The following MFAP3L variants were observed in gnomAD, a reference collection of about 807,000 sequenced individuals.
MFAP3L encodes microfibrillar-associated protein 3-like.
MFAP3L carries 5 observed loss-of-function variants against 20.0 expected under a neutral mutation model. The observed-to-expected ratio is 0.25, with a 90% CI of 0.13 to 0.53. The LOEUF (loss-of-function observed/expected upper bound fraction) is 0.53, where lower values mean the gene tolerates loss of function less well. MFAP3L is among the 20% of genes least tolerant of loss of function. The pLI is 0.96. For missense variants in MFAP3L, 409 were observed against 527.5 expected (o/e 0.78, Z 2.20); for synonymous variants, 219 against 213.0 (o/e 1.03, Z -0.25).
At position 169,991,787 on chromosome 4, in the gene MFAP3L, G is replaced by C; in HGVS notation, c.821C>G (p.Thr274Ser). 1 of 1,614,142 alleles carries C rather than the reference G, an allele frequency of 6.2e-7. No homozygotes were observed. Among genetic ancestry groups the C allele is most frequent in the Non-Finnish European group, 8.5e-7 (1 of 1,180,030 alleles). Residue 274 changes from threonine (T) to serine (S), a missense_variant, in exon 3 of 3, where the codon ACT becomes AGT. Transcript: ENST00000361618. This position sits in a 1 kb window ranked among gnomAD's most constrained non-coding sequence, Gnocchi z 4.9. ...GTCTGCGGCCTCCTGGCCCTCTGGA[G>C]TATGCCTCACAAAATTCTGCCCCTG... ...EEQGQNFVRHTPEGQEAADRD... is the reference protein window; with the variant it reads ...EEQGQNFVRHSPEGQEAADRD...
chr4:170,010,396 A>G lies in MFAP3L; in HGVS notation c.-133-4386T>C, dbSNP rs569687919. ...AGTCTCTTGAACAGCATGGGTCTGA[A>G]CCACTCAGTCCACTTACATGCAGGT... On this transcript the variant is annotated intron_variant, in intron 1 of 2. Transcript: ENST00000361618. Among the ~76,000 whole-genome samples, 9 of 152,296 alleles carry G rather than the reference A, an allele frequency of 5.9e-5. No homozygotes were observed. The East Asian group carries it at 1.7e-3, about 29-fold the overall frequency.
intron 1 of MFAP3L, among the ~76,000 whole-genome samples, chr4:170,017,488 G>GT (rs1307595926): frequency 3.9e-5 from 6 of 152,094 alleles, no homozygotes; most frequent in African/African-American, 1.4e-4. Flanking sequence ...ACACAACAGC[G>GT]TAAGAATCTG....
chr4:170,018,260 AG>A (rs1432443331), intron 1 of MFAP3L, among the ~76,000 whole-genome samples: 1 of 152,196 alleles, frequency 6.6e-6, no homozygotes, highest in African/African-American at 2.4e-5. Flanking sequence ...TAGACAAATA[AG>A]GGTAGAAAGA....
intron 1 of MFAP3L, among the ~76,000 whole-genome samples, chr4:170,011,769 G>A (rs1305370591): frequency 6.6e-6 from 1 of 152,172 alleles, no homozygotes; most frequent in Non-Finnish European, 1.5e-5. Context: ...ATCACAGGGT[G>A]TCAAAGATCC....
Position 170,005,705 on chromosome 4 carries a change from A to G in MFAP3L, c.173T>C (p.Val58Ala), listed in dbSNP as rs747073734. Residue 58 changes from valine (V) to alanine (A), a missense_variant, in exon 2 of 3, where the codon GTC becomes GCC. By Grantham distance (64) the Val-to-Ala change is moderately conservative. Around this residue, in one of 3 missense-constraint regions of MFAP3L, gnomAD observed 113 missense variants for 131.1 expected, o/e 0.86. Coordinates refer to ENST00000361618, the MANE Select transcript of MFAP3L (RefSeq NM_021647.8). ...AATCAAGGCACTGTTCCCTTCCTTG[A>G]CTATGATATGGTCAGTTCTGGCAAT... is the stretch of plus-strand genomic sequence containing the variant. ...VIIARTDHII[V>A]KEGNSALINC... 1 of 1,614,186 alleles carries G rather than the reference A, an allele frequency of 6.2e-7. No homozygotes were observed.
intron 2 of MFAP3L, chr4:170,003,815 T>C: frequency 2.0e-6 from 2 of 985,474 alleles, no homozygotes; most frequent in Non-Finnish European, 2.4e-6. Context: ...TTTGTTACCA[T>C]GGCTATTGCC....
chr4:170,008,033 A>G (rs373141448), intron 1 of MFAP3L, among the ~76,000 whole-genome samples: 1 of 152,186 alleles, frequency 6.6e-6, no homozygotes, highest in African/African-American at 2.4e-5. Flanking sequence ...GTTCAAACAC[A>G]TTGTGCTAGC....
At chr4:169,996,797 C>T (rs549430488) in intron 2 of MFAP3L, among the ~76,000 whole-genome samples, 1 of 152,302 alleles carries the variant, frequency 6.6e-6, no homozygotes, top group African/African-American at 2.4e-5. Flanking sequence ...TTCACGACCT[C>T]ATTTACATGA....
intron 1 of MFAP3L, among the ~76,000 whole-genome samples, chr4:170,007,983 G>T (rs1739152272): frequency 6.6e-6 from 1 of 152,150 alleles, no homozygotes; most frequent in African/African-American, 2.4e-5. Context: ...TATCTCAAGA[G>T]CTGTTTTCAA....
intron 1 of MFAP3L, among the ~76,000 whole-genome samples, chr4:170,019,467 C>T (rs1472968637): frequency 2.0e-5 from 3 of 152,016 alleles, no homozygotes; most frequent in Non-Finnish European, 4.4e-5. Flanking sequence ...TCACCTGAGC[C>T]CAGGAGTTTG....
At chr4:170,009,586 C>G (rs576068180) in intron 1 of MFAP3L, among the ~76,000 whole-genome samples, 2 of 152,172 alleles carry the variant, frequency 1.3e-5, no homozygotes, top group Non-Finnish European at 2.9e-5. Context: ...AAAACCAGGG[C>G]TTAACAAAAG....
At position 169,991,700 on chromosome 4, in the gene MFAP3L, G is replaced by A. The variant is rs960028016; in HGVS notation, c.908C>T (p.Ser303Leu). The change falls in exon 3 of 3, where the codon TCG becomes TTG. Residue 303 changes from serine to leucine, a missense_variant. This residue lies in a region of MFAP3L where 169 missense variants were observed against 178.2 expected (regional missense o/e 0.95). Coordinates refer to ENST00000361618, the MANE Select transcript of MFAP3L (RefSeq NM_021647.8). The surrounding 1 kb of genome is among the most constrained non-coding windows in gnomAD (Gnocchi z 4.9). ...TTGCTCGTGCAGCGATGAGGCGTCC[G>A]AGTCAGCGGCAGGGGAGTCGCTCCG... Reference protein sequence around the residue: ...LKRSDSPAADSDASSLHEQPQ... With the variant: ...LKRSDSPAADLDASSLHEQPQ... The A allele has an allele frequency of 1.2e-6, 2 of 1,614,162 alleles. No homozygotes were observed. The highest frequency in any genetic ancestry group is 2.2e-5 in the East Asian group (1 of 44,872).
chr4:170,001,370 T>C (rs1738605266), intron 2 of MFAP3L, among the ~76,000 whole-genome samples: 2 of 152,284 alleles, frequency 1.3e-5, no homozygotes, highest in Admixed American at 6.5e-5. Flanking sequence ...GTTGTGACAA[T>C]TGTAGACTCA....
intron 1 of MFAP3L, among the ~76,000 whole-genome samples, chr4:170,023,928 GATCT>G (rs1259220236): frequency 6.6e-6 from 1 of 152,192 alleles, no homozygotes; most frequent in Admixed American, 6.5e-5. Flanking sequence ...TTGGGGGATA[GATCT>G]ATTTTTAAAG....
rs1738443382 is a variant in MFAP3L, at chr4:169,999,303, C to T, written c.298+6277G>A. The stretch of plus-strand genomic sequence containing the variant: ...AATATGGGCTTAGCCAAGCTTTCAA[C>T]TCAGGAAGGTGGGGATGGAAGGATT... On this transcript the variant is annotated intron_variant, in intron 2 of 2. Coordinates refer to ENST00000361618, the MANE Select transcript of MFAP3L (RefSeq NM_021647.8). Among the ~76,000 whole-genome samples the T allele has an allele frequency of 3.3e-5, 5 of 152,304 alleles. No individual in the cohort carries two copies. In the South Asian group the frequency reaches 1.0e-3, roughly 32 times the overall value.
At chr4:170,001,707 GTA>G (rs1738632054) in intron 2 of MFAP3L, among the ~76,000 whole-genome samples, 1 of 152,156 alleles carries the variant, frequency 6.6e-6, no homozygotes, top group African/African-American at 2.4e-5. Context: ...ACTGAAAACA[GTA>G]TATTTCGTGG....
intron 1 of MFAP3L, among the ~76,000 whole-genome samples, chr4:170,009,872 G>T (rs1173557917): frequency 3.3e-5 from 5 of 152,222 alleles, no homozygotes; most frequent in Non-Finnish European, 7.3e-5. Context: ...TGTAAGGGGT[G>T]TTTTGTACTA....
intron 2 of MFAP3L, among the ~76,000 whole-genome samples, chr4:170,003,070 G>A (rs1018462562): frequency 1.3e-5 from 2 of 152,096 alleles, no homozygotes; most frequent in African/African-American, 4.8e-5. Flanking sequence ...TGTATTGCTT[G>A]GTTGTTAGGT....
At chr4:170,014,236 C>T (rs1266692481) in intron 1 of MFAP3L, among the ~76,000 whole-genome samples, 2 of 152,182 alleles carry the variant, frequency 1.3e-5, no homozygotes, top group Non-Finnish European at 2.9e-5. Flanking sequence ...TGTAGAGATT[C>T]GAATTTTCAT....
Sources: gnomAD v4.1 joint callset for allele counts (sites outside exome capture counted in the v4.1 genomes callset) on GRCh38, gnomAD v4.1.1 for gene constraint, gnomAD v4.1.1 regional missense constraint, Gnocchi (gnomAD v3.1) non-coding constraint, MANE v1.5 for transcripts, NCBI Gene and HGNC (gene_info 2026-07-23, HGNC 2026-07-21) for gene names.